ARAP2: variants seen among roughly 807,000 people sequenced by gnomAD.
ARAP2 encodes ArfGAP with RhoGAP domain, ankyrin repeat and PH domain 2.
ARAP2 carries 148 observed loss-of-function variants against 194.5 expected under a neutral mutation model. The observed-to-expected ratio is 0.76, with a 90% CI of 0.67 to 0.87. The LOEUF is 0.87. ARAP2 is among the 40% of genes least tolerant of loss of function. ARAP2 has a pLI of 0.00. For synonymous variants in ARAP2, 695 were observed against 683.5 expected (o/e 1.02, Z -0.26); for missense variants, 2,128 against 1,989.7 (o/e 1.07, Z -1.32).
intron 1 of ARAP2, 48 bp downstream of exon 1, chr4:36,244,131 C>G (rs1406334534): frequency 6.6e-6 from 1 of 152,236 alleles, no homozygotes; most frequent in African/African-American, 2.4e-5. Flanking sequence ...CCTCCCACCC[C>G]CGCGTGGGCC....
intron 9 of ARAP2, among the ~76,000 whole-genome samples, chr4:36,009,894 G>C (rs1166454511): frequency 6.9e-6 from 1 of 144,786 alleles, no homozygotes; most frequent in Non-Finnish European, 1.5e-5. Flanking sequence ...GGGGGGTAGG[G>C]GGGTGGAATC....
intron 22 of ARAP2, among the ~76,000 whole-genome samples, chr4:36,122,470 T>C (rs577761684): frequency 6.6e-6 from 1 of 151,948 alleles, no homozygotes; most frequent in South Asian, 2.1e-4. Flanking sequence ...TGCAGCAACA[T>C]GGATGGAGCT....
At chr4:36,027,092 T>C (rs1307871472) in intron 5 of ARAP2, among the ~76,000 whole-genome samples, 2 of 152,204 alleles carry the variant, frequency 1.3e-5, no homozygotes, top group Non-Finnish European at 1.5e-5. Context: ...TTTAAATCTT[T>C]TGCAAGACTC....
intron 27 of ARAP2, among the ~76,000 whole-genome samples, chr4:36,092,955 C>A (rs1351913221): frequency 6.6e-6 from 1 of 152,082 alleles, no homozygotes; most frequent in East Asian, 1.9e-4. Context: ...TAAGGTAGAA[C>A]ATTTACCCAT....
At chr4:36,072,741 T>C (rs963025914) in intron 32 of ARAP2, among the ~76,000 whole-genome samples, 4 of 151,068 alleles carry the variant, frequency 2.6e-5, no homozygotes, top group Admixed American at 2.6e-4. Context: ...TCATGATTTC[T>C]TGGAGACATA....
chr4:36,167,066 T>A lies in ARAP2; in HGVS notation c.1858-19A>T. On this transcript the variant is annotated intron_variant, in intron 9 of 32. Coordinates refer to ENST00000303965, the MANE Select transcript of ARAP2 (RefSeq NM_015230.4). The stretch of plus-strand genomic sequence containing the variant: ...TAAAATCCTAGTTTGGAGAAAAACA[T>A]AAAAAACTATAAAGAAACAAAAAAA... The A allele has an allele frequency of 7.6e-7, 1 of 1,309,866 alleles. No individual in the cohort carries two copies. Among genetic ancestry groups the A allele is most frequent in the East Asian group, 2.4e-5 (1 of 41,348 alleles). 81.1% of individuals were successfully genotyped at this position (1,309,866 alleles called of 1,614,324 possible). A position where few individuals can be genotyped will look rare whatever the true frequency, so the allele number is the denominator to read the frequency against.
chr4:36,132,900 T>A (rs1283290775), intron 20 of ARAP2, among the ~76,000 whole-genome samples: 1 of 151,818 alleles, frequency 6.6e-6, no homozygotes, highest in African/African-American at 2.4e-5. Context: ...CTCTGAAAGA[T>A]AGTCTTCAAT....
At chr4:36,009,763 A>T (rs34675618) in intron 9 of ARAP2, among the ~76,000 whole-genome samples, 94,669 of 151,448 alleles carry the variant, frequency 0.63, 29,801 homozygotes, top group Admixed American at 0.75. Flanking sequence ...ACATCAATGC[A>T]GTTCTGATAG....
chr4:36,121,056 C>T, intron 23 of ARAP2, 123 bp downstream of exon 23: 2 of 689,892 alleles, frequency 2.9e-6, no homozygotes, highest in East Asian at 3.4e-5. Flanking sequence ...ATGACTATTC[C>T]TTATTTTATG....
intron 1 of ARAP2, among the ~76,000 whole-genome samples, chr4:36,238,528 A>T (rs1309299915): frequency 1.3e-5 from 2 of 152,206 alleles, no homozygotes; most frequent in Non-Finnish European, 2.9e-5. Context: ...AAGACTTAAT[A>T]GTCTCCCTCT....
Position 36,068,240 on chromosome 4 carries a change from T to C in ARAP2, c.4782A>G (p.Glu1594=). 6.3e-7 allele frequency: 1 copy of C among 1,587,888 alleles called. No homozygotes were observed. Among genetic ancestry groups the C allele is most frequent in the Non-Finnish European group, 8.6e-7 (1 of 1,168,416 alleles). The change falls in exon 33 of 33, where the codon GAA becomes GAG. Residue 1594 remains glutamate, a synonymous_variant. Transcript: ENST00000303965. ...AGTCCACGGACTCTTTATCACACTT[T>C]TCACTGAGCCGCAGCCTTTCAAGTT... is the stretch of plus-strand genomic sequence containing the variant. ...RAELERLRLS[E]KCDKESVDSS... is the part of the protein sequence containing the mutation.
intron 1 of ARAP2, among the ~76,000 whole-genome samples, chr4:36,241,940 T>C (rs559310644): frequency 6.6e-6 from 1 of 152,272 alleles, no homozygotes; most frequent in African/African-American, 2.4e-5. Flanking sequence ...TAAGTAAGCT[T>C]GTGCTGAACA....
chr4:36,231,843 T>C (rs1362012630), intron 1 of ARAP2, among the ~76,000 whole-genome samples: 1 of 152,146 alleles, frequency 6.6e-6, no homozygotes, highest in Non-Finnish European at 1.5e-5. Flanking sequence ...CTGATAGAAT[T>C]ATGTCCTCCC....
chr4:36,171,046 A>G (rs1736498920), intron 9 of ARAP2, among the ~76,000 whole-genome samples: 1 of 152,214 alleles, frequency 6.6e-6, no homozygotes, highest in African/African-American at 2.4e-5. Context: ...TGACTGGCCA[A>G]AGGACAAAAC....
chr4:36,179,088 T>G (rs2109856618), intron 8 of ARAP2, among the ~76,000 whole-genome samples: 1 of 152,294 alleles, frequency 6.6e-6, no homozygotes, highest in Admixed American at 6.5e-5. Flanking sequence ...ATACTGCCTG[T>G]TTAGGAATGT....
intron 9 of ARAP2, among the ~76,000 whole-genome samples, chr4:36,010,699 A>C (rs1171511908): frequency 6.6e-6 from 1 of 152,098 alleles, no homozygotes; most frequent in Non-Finnish European, 1.5e-5. Flanking sequence ...CCACAAATTC[A>C]ACCCCTTACA....
chr4:36,110,760 G>A (rs1362383388), intron 26 of ARAP2, among the ~76,000 whole-genome samples: 3 of 151,854 alleles, frequency 2.0e-5, no homozygotes, highest in Admixed American at 2.0e-4. Context: ...AGAACTTCCT[G>A]AAAAGTTGTG....
intron 8 of ARAP2, among the ~76,000 whole-genome samples, chr4:36,182,278 G>T (rs1739465497): frequency 6.6e-6 from 1 of 152,036 alleles, no homozygotes; most frequent in Non-Finnish European, 1.5e-5. Flanking sequence ...AAATCACGAG[G>T]TCAGGATATT....
intron 8 of ARAP2, among the ~76,000 whole-genome samples, chr4:36,180,754 C>A (rs1053635989): frequency 2.0e-5 from 3 of 152,176 alleles, no homozygotes; most frequent in Non-Finnish European, 4.4e-5. Context: ...TTGGAATTAA[C>A]CTTACTTTGG....
Sources: allele counts gnomAD v4.1 joint callset (sites outside exome capture counted in the v4.1 genomes callset), GRCh38; gene constraint gnomAD v4.1.1; transcripts MANE v1.5; gene names NCBI Gene and HGNC (gene_info 2026-07-23, HGNC 2026-07-21).